The following OR8J3 variants were observed in gnomAD, a reference collection of about 807,000 sequenced individuals.
OR8J3 encodes the protein olfactory receptor family 8 subfamily J member 3.
For synonymous variants in OR8J3, 170 were observed against 142.6 expected, an observed-to-expected ratio of 1.19 and a Z score of -1.37; for missense variants, 418 against 379.8, an observed-to-expected ratio of 1.10 and a Z score of -0.84.
chr11:56,135,758 G>A lies in OR8J3; in HGVS notation c.*1013C>T, dbSNP rs1854324241. On this transcript the variant is annotated 3_prime_UTR_variant, in exon 2 of 2. Transcript: ENST00000642058. Reference sequence around the variant, plus strand: ...TCTTCCATATGTATCTTTCAGTCTAGTTCTTTATTTGTAGGATATATTCCT... The same window carrying A: ...TCTTCCATATGTATCTTTCAGTCTAATTCTTTATTTGTAGGATATATTCCT... The A allele has an allele frequency of 1.3e-5, 2 of 151,928 alleles. No homozygotes were observed. The highest frequency in any genetic ancestry group is 4.1e-4 in the South Asian group (2 of 4,832). The allele number at this position is 151,928 out of a possible 1,614,324, so 9.4% of individuals were successfully genotyped here.
rs777157524 is a variant in OR8J3 at position 56,137,559 on chromosome 11, G to A, written c.160C>T (p.Arg54Ter). 5 of 1,614,060 alleles carry A rather than the reference G, an allele frequency of 3.1e-6. No individual in the cohort carries two copies. Among genetic ancestry groups the A allele is most frequent in the East Asian group, 2.2e-5 (1 of 44,892 alleles). ...AAAAAGTACATGGGGTTTTGAAGTC[G>A]AGAGTCAACACTGGTGAGGGTGATG... ...GIITLTSVDS[R>*]LQNPMYFFLR... Residue 54 changes from arginine to a stop codon, truncating the protein, a stop_gained, in exon 2 of 2, where the codon CGA (arginine) becomes TGA (stop). Coordinates refer to ENST00000642058, the MANE Select transcript of OR8J3 (RefSeq NM_001004064.2). LOFTEE classifies it low-confidence loss of function (END_TRUNC).
Position 56,138,219 on chromosome 11 carries a change from T to A in OR8J3, c.-501A>T, listed in dbSNP as rs958441940. ...AATTATATCCTTTTATAACATGTATTAGATCTATATTGAGCTTGCAAATTA... is the reference window on the plus strand; with the variant it reads ...AATTATATCCTTTTATAACATGTATAAGATCTATATTGAGCTTGCAAATTA... On this transcript the variant is annotated 5_prime_UTR_variant, in exon 2 of 2. Transcript: ENST00000642058. The A allele has an allele frequency of 2.6e-5, 4 of 153,370 alleles. No individual in the cohort carries two copies. The highest frequency in any genetic ancestry group is 9.6e-5 in the African/African-American group (4 of 41,478). 9.5% of individuals were successfully genotyped at this position (153,370 alleles called of 1,614,324 possible).
intron 1 of OR8J3, among the ~76,000 whole-genome samples, chr11:56,139,301 A>G (rs1290855719): frequency 6.6e-6 from 1 of 152,170 alleles, no homozygotes; most frequent in African/African-American, 2.4e-5. Flanking sequence ...AAAGAGATAG[A>G]ATAGAAAGAG....
In OR8J3 at chr11:56,135,725, C is replaced by A. The variant is rs1349842525; in HGVS notation, c.*1046G>T. On this transcript the variant is annotated 3_prime_UTR_variant, in exon 2 of 2. Transcript: ENST00000642058. ...TAAACTGAACACACACACAGAATGT[C>A]AACATAATCTTCCATATGTATCTTT... 1 of 151,902 alleles carries A rather than the reference C, an allele frequency of 6.6e-6. No individual in the cohort carries two copies. Among genetic ancestry groups the A allele is most frequent in the African/African-American group, 2.4e-5 (1 of 41,402 alleles). The allele number at this position is 151,902 out of a possible 1,614,324, so 9.4% of individuals were successfully genotyped here.
Position 56,137,299 on chromosome 11 carries a change from G to T in OR8J3, c.420C>A (p.Leu140=). 6.2e-7 allele frequency: 1 copy of T among 1,614,062 alleles called. No homozygotes were observed. Among genetic ancestry groups the T allele is most frequent in the South Asian group, 1.1e-5 (1 of 91,056 alleles). Residue 140 remains leucine (L), a synonymous_variant, in exon 2 of 2, where the codon CTC becomes CTA. Transcript: ENST00000642058. ...LLYMVVVSRR[L]CLLLVSLTYL... ...ATGTGAGGGACACCAGCAGGAGGCAGAGCCGCCGAGACACCACCACCATGT... is the reference window on the plus strand; with the variant it reads ...ATGTGAGGGACACCAGCAGGAGGCATAGCCGCCGAGACACCACCACCATGT...
Position 56,134,970 on chromosome 11 carries a change from A to G in OR8J3, c.*1801T>C, listed in dbSNP as rs570470780. On this transcript the variant is annotated 3_prime_UTR_variant, in exon 2 of 2. Transcript: ENST00000642058. ...AAACCAATGATTTTTCAACTGATAAACTTTCATTGCATTATAATATTTAGG... is the reference window on the plus strand; with the variant it reads ...AAACCAATGATTTTTCAACTGATAAGCTTTCATTGCATTATAATATTTAGG... 2 of 152,144 alleles carry G rather than the reference A, an allele frequency of 1.3e-5. No individual in the cohort carries two copies. The highest frequency in any genetic ancestry group is 2.1e-4 in the South Asian group (1 of 4,830). 9.4% of individuals were successfully genotyped at this position (152,144 alleles called of 1,614,324 possible). A position where few individuals can be genotyped will look rare whatever the true frequency, so the allele number is the denominator to read the frequency against.
Position 56,136,476 on chromosome 11 carries a change from C to T in OR8J3, c.*295G>A, listed in dbSNP as rs1205525997. 2 of 178,246 alleles carry T rather than the reference C, an allele frequency of 1.1e-5. No individual in the cohort carries two copies. Among genetic ancestry groups the T allele is most frequent in the Middle Eastern group, 2.4e-3 (1 of 416 alleles). The allele number at this position is 178,246 out of a possible 1,614,324, so 11.0% of individuals were successfully genotyped here. A position where few individuals can be genotyped will look rare whatever the true frequency, so the allele number is the denominator to read the frequency against. On this transcript the variant is annotated 3_prime_UTR_variant, in exon 2 of 2. Coordinates refer to ENST00000642058, the MANE Select transcript of OR8J3 (RefSeq NM_001004064.2). ...AATATTCACTTTAATTCTCTTGTTC[C>T]TATTTTGTTGCTCTGTTAAAACTTA...
chr11:56,137,111 G>A lies in OR8J3; in HGVS notation c.608C>T (p.Ala203Val), dbSNP rs751097194. ...CATGGAAAAAACCAAATTTGTTGCT[G>A]CAGATATAAAGACTATTGTTTCTGG... ...YIPETIVFIS[A>V]ATNLVFSMIT... The change falls in exon 2 of 2, where the codon GCA becomes GTA. Residue 203 changes from alanine (A) to valine (V), a missense_variant. Ala to Val is a moderately conservative substitution (Grantham distance 64). Transcript: ENST00000642058. 1.9e-6 allele frequency: 3 copies of A among 1,613,442 alleles called. No individual in the cohort carries two copies. In the South Asian group the frequency reaches 3.3e-5, roughly 18 times the overall value.
At position 56,137,850 on chromosome 11, in the gene OR8J3, T is replaced by A; in HGVS notation, c.-132A>T. 1.4e-6 allele frequency: 1 copy of A among 704,754 alleles called. No individual in the cohort carries two copies. The highest frequency in any genetic ancestry group is 2.3e-6 in the Non-Finnish European group (1 of 428,364). The allele number at this position is 704,754 out of a possible 1,614,324, so 43.7% of individuals were successfully genotyped here. A position where few individuals can be genotyped will look rare whatever the true frequency, so the allele number is the denominator to read the frequency against. On this transcript the variant is annotated 5_prime_UTR_variant, in exon 2 of 2. Coordinates refer to ENST00000642058, the MANE Select transcript of OR8J3 (RefSeq NM_001004064.2). ...GTGATCTTCTTGTCATGTATTAATC[T>A]AATTCAGTTATTAAACTCAGTATTC...
intron 1 of OR8J3, among the ~76,000 whole-genome samples, chr11:56,138,702 A>C (rs1229173804): frequency 1.3e-5 from 2 of 151,854 alleles, no homozygotes; most frequent in African/African-American, 2.4e-5. Flanking sequence ...TCAAAAAAAA[A>C]AAAAAATCAG....
chr11:56,135,775 T>C lies in OR8J3; in HGVS notation c.*996A>G, dbSNP rs557077219. On this transcript the variant is annotated 3_prime_UTR_variant, in exon 2 of 2. Transcript: ENST00000642058. ...TCAGTCTAGTTCTTTATTTGTAGGA[T>C]ATATTCCTAAGTTTCAATGCCAGAA... The C allele has an allele frequency of 1.3e-5, 2 of 152,140 alleles. No homozygotes were observed. Among genetic ancestry groups the C allele is most frequent in the South Asian group, 4.1e-4 (2 of 4,826 alleles). 9.4% of individuals were successfully genotyped at this position (152,140 alleles called of 1,614,324 possible). A position where few individuals can be genotyped will look rare whatever the true frequency, so the allele number is the denominator to read the frequency against.
rs1017246179 is a variant in OR8J3, at chr11:56,135,872, T to C, written c.*899A>G. On this transcript the variant is annotated 3_prime_UTR_variant, in exon 2 of 2. Transcript: ENST00000642058. Reference sequence around the variant, plus strand: ...ATTTTTATTTGATAAGTCTGGGATATATCCTATAAGTCTGATTACTCCTAT... The same window carrying C: ...ATTTTTATTTGATAAGTCTGGGATACATCCTATAAGTCTGATTACTCCTAT... 3 of 152,016 alleles carry C rather than the reference T, an allele frequency of 2.0e-5. No individual in the cohort carries two copies. Among genetic ancestry groups the C allele is most frequent in the Non-Finnish European group, 4.4e-5 (3 of 67,900 alleles). The allele number at this position is 152,016 out of a possible 1,614,324, so 9.4% of individuals were successfully genotyped here.
In OR8J3 at chr11:56,137,431, T is replaced by G; in HGVS notation, c.288A>C (p.Glu96Asp). ...LVKKKTTSFY[E>D]CATQLGGFLF... The stretch of plus-strand genomic sequence containing the variant: ...AGAACCCTCCCAGTTGGGTGGCACA[T>G]TCATAGAATGAGGTAGTTTTCTTCT... Residue 96 changes from glutamate (E) to aspartate (D), a missense_variant, in exon 2 of 2, where the codon GAA becomes GAC. Physicochemically the swap from Glu to Asp is conservative, Grantham distance 45. Coordinates refer to ENST00000642058, the MANE Select transcript of OR8J3 (RefSeq NM_001004064.2). 6.2e-7 allele frequency: 1 copy of G among 1,614,222 alleles called. No individual in the cohort carries two copies. Among genetic ancestry groups the G allele is most frequent in the Non-Finnish European group, 8.5e-7 (1 of 1,180,038 alleles).
chr11:56,137,124 C>T lies in OR8J3; in HGVS notation c.595G>A (p.Val199Ile), dbSNP rs1172489189. The T allele has an allele frequency of 1.9e-6, 3 of 1,612,882 alleles. No individual in the cohort carries two copies. The highest frequency in any genetic ancestry group is 3.3e-5 in the Admixed American group (2 of 59,804). ...AAATTTGTTGCTGCAGATATAAAGA[C>T]TATTGTTTCTGGTATGTAAGTATCA... ...CSDTYIPETIVFISAATNLVF... is the reference protein window; with the variant it reads ...CSDTYIPETIIFISAATNLVF... Residue 199 changes from valine (V) to isoleucine (I), a missense_variant, in exon 2 of 2, where the codon GTC becomes ATC. Val to Ile is a conservative substitution (Grantham distance 29, BLOSUM62 3). Transcript: ENST00000642058.
At position 56,138,500 on chromosome 11, in the gene OR8J3, A is replaced by G. The variant is rs1181521256; in HGVS notation, c.-779-3T>C. The G allele has an allele frequency of 6.6e-6, 1 of 151,924 alleles. No homozygotes were observed. The highest frequency in any genetic ancestry group is 1.5e-5 in the Non-Finnish European group (1 of 68,060). 9.4% of individuals were successfully genotyped at this position (151,924 alleles called of 1,614,324 possible). On this transcript the variant is annotated splice_region_variant and splice_polypyrimidine_tract_variant and intron_variant, in intron 1 of 1. Coordinates refer to ENST00000642058, the MANE Select transcript of OR8J3 (RefSeq NM_001004064.2). ...GGCTAACACAGTGAAACCCCTTTCT[A>G]CAAACAAACAAACAAAAAAAAATAA...
Position 56,135,961 on chromosome 11 carries a change from G to T in OR8J3, c.*810C>A, listed in dbSNP as rs573673680. 6.6e-6 allele frequency: 1 copy of T among 151,756 alleles called. No individual in the cohort carries two copies. The highest frequency in any genetic ancestry group is 1.9e-4 in the East Asian group (1 of 5,150). The allele number at this position is 151,756 out of a possible 1,614,324, so 9.4% of individuals were successfully genotyped here. A position where few individuals can be genotyped will look rare whatever the true frequency, so the allele number is the denominator to read the frequency against. ...CTGATCAAAAACTATCAGAAAAAAA[G>T]AACAAAAATTCAAAAAATATTTCTG... On this transcript the variant is annotated 3_prime_UTR_variant, in exon 2 of 2. Transcript: ENST00000642058.
chr11:56,140,062 T>C (rs1854373900), intron 1 of OR8J3, 111 bp downstream of exon 1: 1 of 152,222 alleles, frequency 6.6e-6, no homozygotes, highest in Non-Finnish European at 1.5e-5. Flanking sequence ...TAGCCCTATA[T>C]TGCAAGGGAG....
chr11:56,137,926 A>T lies in OR8J3; in HGVS notation c.-208T>A, dbSNP rs1253703710. 2 of 538,720 alleles carry T rather than the reference A, an allele frequency of 3.7e-6. No individual in the cohort carries two copies. Among genetic ancestry groups the T allele is most frequent in the East Asian group, 6.0e-5 (2 of 33,066 alleles). 33.4% of individuals were successfully genotyped at this position (538,720 alleles called of 1,614,324 possible). A position where few individuals can be genotyped will look rare whatever the true frequency, so the allele number is the denominator to read the frequency against. ...TCACTTGGGAGAGAGTAAAGCAAGT[A>T]TGGTAAATTTAGTATGGCAAAGTAA... On this transcript the variant is annotated 5_prime_UTR_variant, in exon 2 of 2. Coordinates refer to ENST00000642058, the MANE Select transcript of OR8J3 (RefSeq NM_001004064.2).
At chr11:56,139,382 A>G (rs1854368031) in intron 1 of OR8J3, among the ~76,000 whole-genome samples, 1 of 152,148 alleles carries the variant, frequency 6.6e-6, no homozygotes, top group Non-Finnish European at 1.5e-5. Flanking sequence ...CAGAGAAATA[A>G]CACCAAAATG....
Sources: gnomAD v4.1 joint callset for allele counts (sites outside exome capture counted in the v4.1 genomes callset) on GRCh38, gnomAD v4.1.1 for gene constraint, MANE v1.5 for transcripts, NCBI Gene and HGNC (gene_info 2026-07-23, HGNC 2026-07-21) for gene names.